Variants in SFMBT2 observed in about 807,000 individuals in gnomAD.
SFMBT2 encodes the protein scm-like with four MBT domains protein 2.
In SFMBT2, 38 loss-of-function variants were observed where a neutral mutation model predicts 110.1. The ratio of observed to expected loss-of-function variants is 0.35; its 90% CI spans 0.27 to 0.45. The LOEUF is 0.45. Among genes scored for constraint, SFMBT2 ranks in the 20% least tolerant of loss-of-function variants. SFMBT2 has a pLI of 1.00. For synonymous variants in SFMBT2, 425 were observed against 425.4 expected (o/e 1.00, Z 0.01); for missense variants, 1,011 against 1,094.9 (o/e 0.92, Z 1.08).
chr10:7,377,265 G>C (rs1378964078), intron 2 of SFMBT2, among the ~76,000 whole-genome samples: 1 of 150,570 alleles, frequency 6.6e-6, no homozygotes, highest in Non-Finnish European at 1.5e-5. Flanking sequence ...AAAAACTTTA[G>C]TCACTTGAGT....
intron 10 of SFMBT2, among the ~76,000 whole-genome samples, chr10:7,220,781 G>A (rs1436941572): frequency 2.0e-5 from 3 of 151,538 alleles, no homozygotes; most frequent in Non-Finnish European, 4.4e-5. Context: ...AAACGAGTGA[G>A]AGTATGAATT....
chr10:7,283,546 A>G (rs1307006917), intron 6 of SFMBT2, among the ~76,000 whole-genome samples: 1 of 152,222 alleles, frequency 6.6e-6, no homozygotes, highest in East Asian at 1.9e-4. Flanking sequence ...AGATGGGTAC[A>G]CAGATGGCCA....
At chr10:7,320,266 CAATT>C (rs1339805357) in intron 4 of SFMBT2, among the ~76,000 whole-genome samples, 4 of 152,318 alleles carry the variant, frequency 2.6e-5, no homozygotes, top group East Asian at 1.9e-4. Flanking sequence ...TGACTCTTAA[CAATT>C]AATTAATGAC....
intron 15 of SFMBT2, among the ~76,000 whole-genome samples, chr10:7,190,327 G>T (rs1330682083): frequency 6.6e-6 from 1 of 152,174 alleles, no homozygotes; most frequent in African/African-American, 2.4e-5. Context: ...TTTATCAACA[G>T]ACAATAAAAT....
chr10:7,342,177 A>C (rs2131986065), intron 4 of SFMBT2, among the ~76,000 whole-genome samples: 1 of 152,190 alleles, frequency 6.6e-6, no homozygotes, highest in Middle Eastern at 3.4e-3. Context: ...GGATAGTACT[A>C]AAGAGAACTC....
At chr10:7,220,360 C>CT (rs1217429137) in intron 11 of SFMBT2, 51 bp downstream of exon 11, 5 of 1,568,220 alleles carry the variant, frequency 3.2e-6, no homozygotes, top group Non-Finnish European at 4.4e-6. Flanking sequence ...GTTGCCATTT[C>CT]GACAAACTCT....
intron 4 of SFMBT2, among the ~76,000 whole-genome samples, chr10:7,288,703 C>T (rs1167943842): frequency 6.6e-6 from 1 of 152,154 alleles, no homozygotes; most frequent in Non-Finnish European, 1.5e-5. Context: ...GGTGCTTCTT[C>T]GTCATTAACT....
intron 9 of SFMBT2, among the ~76,000 whole-genome samples, chr10:7,240,137 C>T (rs1203748273): frequency 1.3e-5 from 2 of 152,052 alleles, no homozygotes; most frequent in Non-Finnish European, 2.9e-5. Flanking sequence ...TACCTTCATC[C>T]CTTATGCCAC....
At chr10:7,317,128 C>T (rs750749034) in intron 4 of SFMBT2, among the ~76,000 whole-genome samples, 2 of 152,058 alleles carry the variant, frequency 1.3e-5, no homozygotes, top group African/African-American at 2.4e-5. Flanking sequence ...GCTTTGTCCT[C>T]GTGCCCCCTC....
chr10:7,409,835 A>G (rs553094159), intron 1 of SFMBT2, among the ~76,000 whole-genome samples: 1 of 152,106 alleles, frequency 6.6e-6, no homozygotes, highest in African/African-American at 2.4e-5. Flanking sequence ...CACGGTTTCT[A>G]AAGACTCCTT....
Position 7,163,731 on chromosome 10 carries a change from C to T in SFMBT2, c.*39G>A, listed in dbSNP as rs73613403. On this transcript the variant is annotated 3_prime_UTR_variant, in exon 21 of 21. Coordinates refer to ENST00000397167, the MANE Select transcript of SFMBT2 (RefSeq NM_001387889.1). This position sits in a 1 kb window ranked among gnomAD's most constrained non-coding sequence, Gnocchi z 4.8. Reference sequence around the variant, plus strand: ...CAGTCCTGGAAACCTTTACCAACACCGCATCCCAGCAATAATGGGCCACCT... The same window carrying T: ...CAGTCCTGGAAACCTTTACCAACACTGCATCCCAGCAATAATGGGCCACCT... The T allele has an allele frequency of 8.3e-4, 1,303 of 1,575,084 alleles. 9 individuals carry two copies. The African/African-American group carries it at 0.015, about 18-fold the overall frequency.
chr10:7,393,756 A>G (rs1845845832), intron 1 of SFMBT2, among the ~76,000 whole-genome samples: 1 of 152,178 alleles, frequency 6.6e-6, no homozygotes, highest in Non-Finnish European at 1.5e-5. Flanking sequence ...GTCCAACTAC[A>G]CGGTGGAAGG....
At position 7,370,115 on chromosome 10, in the gene SFMBT2, C is replaced by T. The variant is rs59419652; in HGVS notation, c.195+166G>A. Among the ~76,000 whole-genome samples the T allele has an allele frequency of 2.9e-3, 446 of 152,308 alleles. 3 individuals carry two copies. The highest frequency in any genetic ancestry group is 0.01 in the African/African-American group (435 of 41,560). ...AATTCAAGTGATTTGCCAGTCTCAG[C>T]CTCAGCCTCCCAAAGTGCTGGGATT... On this transcript the variant is annotated intron_variant, in intron 3 of 20. Coordinates refer to ENST00000397167, the MANE Select transcript of SFMBT2 (RefSeq NM_001387889.1).
chr10:7,168,396 G>A (rs1741046818), intron 20 of SFMBT2, among the ~76,000 whole-genome samples: 1 of 152,068 alleles, frequency 6.6e-6, no homozygotes, highest in Non-Finnish European at 1.5e-5. Flanking sequence ...TTTTTTTATT[G>A]TGAAAACTAA....
chr10:7,324,548 A>G (rs180764373), intron 4 of SFMBT2, among the ~76,000 whole-genome samples: 122 of 152,308 alleles, frequency 8.0e-4, no homozygotes, highest in Admixed American at 1.3e-3. Context: ...TCATAGTCAG[A>G]GTTTACTCAA....
chr10:7,276,818 G>A (rs780665032), intron 7 of SFMBT2, 74 bp downstream of exon 7: 21 of 780,070 alleles, frequency 2.7e-5, no homozygotes, highest in East Asian at 4.9e-5. Flanking sequence ...GAGCCACTGC[G>A]CCCGGCCGGA....
Position 7,188,704 on chromosome 10 carries a change from G to A in SFMBT2, c.1728C>T (p.Tyr576=), listed in dbSNP as rs374608828. The change falls in exon 16 of 21, where the codon TAC becomes TAT. Residue 576 remains tyrosine (Y), a synonymous_variant. Coordinates refer to ENST00000397167, the MANE Select transcript of SFMBT2 (RefSeq NM_001387889.1). The part of the protein sequence containing the change: ...EVLSMIINAA[Y]KPGRVLRELQ... ...ATTCTCTTAATACCCTTCCAGGCTT[G>A]TAGGCTGCGTTGATTATCATGCTAA... 47 of 1,613,148 alleles carry A rather than the reference G, an allele frequency of 2.9e-5. No homozygotes were observed. The highest frequency in any genetic ancestry group is 4.5e-5 in the East Asian group (2 of 44,884).
At position 7,332,015 on chromosome 10, in the gene SFMBT2, C is replaced by CAAA. The variant is rs1491320070; in HGVS notation, c.436+35631_436+35633dup. ...TGGGCAACAGAATGAGACTCTGTCTCAAAAAAAAAAAAAAAAAAAAAAGGA... is the reference window on the plus strand; with the variant it reads ...TGGGCAACAGAATGAGACTCTGTCTCAAAAAAAAAAAAAAAAAAAAAAAAAGGA... On this transcript the variant is annotated intron_variant, in intron 4 of 20. Coordinates refer to ENST00000397167, the MANE Select transcript of SFMBT2 (RefSeq NM_001387889.1). Among the ~76,000 whole-genome samples the CAAA allele has an allele frequency of 1.0e-3, 36 of 35,074 alleles. 1 individual carries two copies. The highest frequency in any genetic ancestry group is 3.4e-3 in the South Asian group (2 of 594). 23.0% of individuals were successfully genotyped at this position (35,074 alleles called of 152,430 possible). A position where few individuals can be genotyped will look rare whatever the true frequency, so the allele number is the denominator to read the frequency against.
At chr10:7,295,610 T>C (rs1308522272) in intron 4 of SFMBT2, among the ~76,000 whole-genome samples, 3 of 152,260 alleles carry the variant, frequency 2.0e-5, no homozygotes, top group African/African-American at 4.8e-5. Flanking sequence ...CATTCACAAA[T>C]GTACTGCCAT....
Sources: allele counts gnomAD v4.1 joint callset (sites outside exome capture counted in the v4.1 genomes callset), GRCh38; gene constraint gnomAD v4.1.1; non-coding constraint Gnocchi (gnomAD v3.1); transcripts MANE v1.5; gene names NCBI Gene and HGNC (gene_info 2026-07-23, HGNC 2026-07-21).